Variants in RAB7A observed in about 807,000 individuals in gnomAD.
RAB7A encodes the protein ras-related protein Rab-7a.
In RAB7A, 2 loss-of-function variants were observed where a neutral mutation model predicts 24.5. The observed-to-expected ratio is 0.08, with a 90% CI of 0.03 to 0.26. The LOEUF is 0.26. Ranked by LOEUF, RAB7A falls within the 10% of genes least tolerant of loss-of-function variation. RAB7A has a pLI of 1.00. For synonymous variants in RAB7A, 100 were observed against 95.9 expected, an observed-to-expected ratio of 1.04 and a Z score of -0.25; for missense variants, 118 against 255.7, an observed-to-expected ratio of 0.46 and a Z score of 3.67.
intron 1 of RAB7A, among the ~76,000 whole-genome samples, chr3:128,738,044 T>C (rs917981673): frequency 4.6e-5 from 7 of 151,660 alleles, no homozygotes; most frequent in Non-Finnish European, 1.0e-4. Context: ...TTTTATATTT[T>C]AATGTTTTGA....
intron 1 of RAB7A, among the ~76,000 whole-genome samples, chr3:128,750,560 C>G (rs1224285725): frequency 1.3e-5 from 2 of 152,066 alleles, no homozygotes; most frequent in African/African-American, 4.8e-5. Flanking sequence ...CCGAGCCTGG[C>G]CAGCCAAAGA....
intron 3 of RAB7A, among the ~76,000 whole-genome samples, chr3:128,805,857 G>T (rs1422205697): frequency 1.3e-5 from 2 of 152,062 alleles, no homozygotes; most frequent in Non-Finnish European, 2.9e-5. Context: ...TCTCCATGTT[G>T]GTCAGGCTGG....
intron 1 of RAB7A, among the ~76,000 whole-genome samples, chr3:128,768,714 A>G (rs1011918339): frequency 2.7e-5 from 4 of 146,154 alleles, no homozygotes; most frequent in Non-Finnish European, 6.0e-5. Context: ...ACATGCCACC[A>G]CACCTGGCTA....
At chr3:128,751,126 T>C (rs749010817) in intron 1 of RAB7A, among the ~76,000 whole-genome samples, 2 of 152,196 alleles carry the variant, frequency 1.3e-5, no homozygotes, top group Admixed American at 6.5e-5. Context: ...GGGGCAGGAC[T>C]CTCATGGAGA....
In RAB7A at chr3:128,770,561, G is replaced by A. The variant is rs147842070; in HGVS notation, c.-8-24799G>A. 5.8e-4 allele frequency among the ~76,000 whole-genome samples: 88 copies of A among 152,256 alleles called. 1 individual carries two copies. The East Asian group carries it at 0.011, about 18-fold the overall frequency. ...GTTTATAACGTGTCTCACCGGATAC[G>A]CTGGAGAGTCATGGGGGAGGAGAAG... On this transcript the variant is annotated intron_variant, in intron 1 of 5. Transcript: ENST00000265062.
intron 1 of RAB7A, among the ~76,000 whole-genome samples, chr3:128,753,089 C>T (rs1177555225): frequency 2.0e-5 from 3 of 152,088 alleles, no homozygotes; most frequent in East Asian, 1.9e-4. Flanking sequence ...AGATCATCAT[C>T]GGATTTCTCT....
intron 2 of RAB7A, among the ~76,000 whole-genome samples, chr3:128,795,836 C>T (rs568408040): frequency 7.0e-6 from 1 of 143,214 alleles, no homozygotes. Context: ...ACTGCAAGCT[C>T]CGCCTCCCGG....
chr3:128,735,964 A>G (rs184533387), intron 1 of RAB7A, among the ~76,000 whole-genome samples: 251 of 152,332 alleles, frequency 1.6e-3, no homozygotes, highest in Middle Eastern at 3.4e-3. Context: ...TGAAGAATCT[A>G]TTGATCCAGG....
At chr3:128,741,504 C>CT (rs2070553903) in intron 1 of RAB7A, among the ~76,000 whole-genome samples, 1 of 152,102 alleles carries the variant, frequency 6.6e-6, no homozygotes, top group African/African-American at 2.4e-5. Flanking sequence ...TTTTATCACA[C>CT]AGTATATTTC....
At chr3:128,804,126 C>G in intron 3 of RAB7A, among the ~76,000 whole-genome samples, 1 of 148,210 alleles carries the variant, frequency 6.7e-6, no homozygotes, top group African/African-American at 2.5e-5. Context: ...CCCCCCCCGC[C>G]CCCAGCATGT....
intron 1 of RAB7A, chr3:128,749,077 G>T (rs939786224): frequency 2.0e-5 from 3 of 152,182 alleles, no homozygotes; most frequent in Non-Finnish European, 4.4e-5. Flanking sequence ...TGTTGTAATT[G>T]GTATCCAGAA....
At chr3:128,755,465 A>C (rs925155523) in intron 1 of RAB7A, among the ~76,000 whole-genome samples, 1 of 152,190 alleles carries the variant, frequency 6.6e-6, no homozygotes, top group Non-Finnish European at 1.5e-5. Context: ...GAAAACAACA[A>C]ACTCAAAGCT....
In RAB7A at chr3:128,809,936, C is replaced by CTTTTT. The variant is rs869119619; in HGVS notation, c.528+2291_528+2295dup. On this transcript the variant is annotated intron_variant, in intron 5 of 5. Coordinates refer to ENST00000265062, the MANE Select transcript of RAB7A (RefSeq NM_004637.6). The stretch of plus-strand genomic sequence containing the variant: ...GAGGCAAGTTTCCTCTTGCCACAGT[C>CTTTTT]TTTTTTTTTTTTTTTTTTTTTTTTT... Among the ~76,000 whole-genome samples the CTTTTT allele has an allele frequency of 7.7e-3, 403 of 52,234 alleles. 91 individuals are homozygous for CTTTTT. The highest frequency in any genetic ancestry group is 0.028 in the Middle Eastern group (2 of 72). 34.3% of individuals were successfully genotyped at this position (52,234 alleles called of 152,430 possible).
chr3:128,778,670 T>TA (rs1372135116), intron 1 of RAB7A, among the ~76,000 whole-genome samples: 4 of 152,224 alleles, frequency 2.6e-5, no homozygotes, highest in Non-Finnish European at 5.9e-5. Flanking sequence ...GTGACATTCT[T>TA]AAAGCATCAA....
At chr3:128,756,200 G>T (rs904729285) in intron 1 of RAB7A, among the ~76,000 whole-genome samples, 78 of 152,138 alleles carry the variant, frequency 5.1e-4, no homozygotes, top group Non-Finnish European at 9.8e-4. Context: ...CCTGGGTGTG[G>T]TGGCACATGC....
intron 1 of RAB7A, among the ~76,000 whole-genome samples, chr3:128,757,955 A>G (rs550737031): frequency 7.9e-5 from 12 of 151,892 alleles, no homozygotes; most frequent in Non-Finnish European, 1.3e-4. Context: ...CACTGCGCCC[A>G]GCCTATTTTA....
At chr3:128,753,154 A>C (rs1308821665) in intron 1 of RAB7A, among the ~76,000 whole-genome samples, 1 of 152,216 alleles carries the variant, frequency 6.6e-6, no homozygotes, top group Non-Finnish European at 1.5e-5. Context: ...TATTGATGGA[A>C]GAAAACTGTC....
At chr3:128,741,677 C>G (rs1320662511) in intron 1 of RAB7A, among the ~76,000 whole-genome samples, 1 of 152,046 alleles carries the variant, frequency 6.6e-6, no homozygotes, top group African/African-American at 2.4e-5. Context: ...AGCCACCATG[C>G]CTGGCTGTGT....
At chr3:128,769,333 G>A (rs1576286337) in intron 1 of RAB7A, among the ~76,000 whole-genome samples, 2 of 152,036 alleles carry the variant, frequency 1.3e-5, no homozygotes, top group East Asian at 3.8e-4. Context: ...AAAATTTTTA[G>A]CCTTTCTAAT....
Sources: allele counts gnomAD v4.1 joint callset (sites outside exome capture counted in the v4.1 genomes callset), GRCh38; gene constraint gnomAD v4.1.1; transcripts MANE v1.5; gene names NCBI Gene and HGNC (gene_info 2026-07-23, HGNC 2026-07-21).